Variants in XCR1 observed in about 807,000 individuals in gnomAD.
XCR1 encodes X-C motif chemokine receptor 1.
For synonymous variants in XCR1, 187 were observed against 188.5 expected (o/e 0.99, Z 0.06); for missense variants, 356 against 424.2 (o/e 0.84, Z 1.41).
At chr3:46,022,097 T>C (rs1465652692) in intron 1 of XCR1, 119 bp from the exon 2 acceptor site, 1 of 892,270 alleles carries the variant, frequency 1.1e-6, no homozygotes. Context: ...CCCAGGAGTT[T>C]GAGACCATCC....
upstream of XCR1, among the ~76,000 whole-genome samples, chr3:46,029,227 A>G (rs2125895281): frequency 6.6e-6 from 1 of 152,322 alleles, no homozygotes; most frequent in Non-Finnish European, 1.5e-5. Context: ...GTTTTGAGAC[A>G]GGTTCTCACT....
At chr3:46,059,663 T>C (rs1458712274) in intron 4 of XCR1, among the ~76,000 whole-genome samples, 1 of 152,108 alleles carries the variant, frequency 6.6e-6, no homozygotes. Context: ...AAAGAGGAAA[T>C]GGTGCCTGGC....
At chr3:46,035,459 A>G (rs1697409305) in intron 5 of XCR1, among the ~76,000 whole-genome samples, 1 of 152,154 alleles carries the variant, frequency 6.6e-6, no homozygotes, top group Non-Finnish European at 1.5e-5. Flanking sequence ...AACTCCTGGT[A>G]TTTCAGTAAC....
intron 1 of XCR1, chr3:46,023,358 AT>A: frequency 7.2e-7 from 1 of 1,394,224 alleles, no homozygotes; most frequent in Non-Finnish European, 1.0e-6. Flanking sequence ...CCGACCGTTT[AT>A]TAGCTGCAGG....
At chr3:46,079,993 T>A (rs888965215) in intron 1 of XCR1, among the ~76,000 whole-genome samples, 1 of 152,030 alleles carries the variant, frequency 6.6e-6, no homozygotes, top group Non-Finnish European at 1.5e-5. Context: ...GGGTCTTTCC[T>A]CAAATGTAGA....
chr3:46,077,090 C>T (rs1022987123), intron 1 of XCR1, among the ~76,000 whole-genome samples: 2 of 152,132 alleles, frequency 1.3e-5, no homozygotes, highest in Admixed American at 6.5e-5. Context: ...ACTGATGCCA[C>T]GTAGCTATAA....
In XCR1 at chr3:46,021,949, T is replaced by C. The variant is rs747310978; in HGVS notation, c.-2A>G. The C allele has an allele frequency of 1.9e-6, 3 of 1,604,888 alleles. No homozygotes were observed. Among genetic ancestry groups the C allele is most frequent in the Non-Finnish European group, 2.6e-6 (3 of 1,175,686 alleles). On this transcript the variant is annotated 5_prime_UTR_variant, in exon 2 of 2. Coordinates refer to ENST00000309285, the MANE Select transcript of XCR1 (RefSeq NM_001024644.2). The surrounding 1 kb of genome is among the most constrained non-coding windows in gnomAD (Gnocchi z 4.7). ...CTCTGGGTTGCCTGAGGACTCCATC[T>C]GGACCAGATGGCAGGGACGTTTAGA...
At chr3:46,028,081 A>C (rs13090194), upstream of XCR1, among the ~76,000 whole-genome samples, 30,300 of 152,058 alleles carry the variant, frequency 0.2, 4,418 homozygotes, top group African/African-American at 0.4. Flanking sequence ...TGTGACTCAG[A>C]CTTTTAGCTA....
intron 3 of XCR1, among the ~76,000 whole-genome samples, chr3:46,074,461 G>T (rs71327019): frequency 6.6e-6 from 1 of 152,038 alleles, no homozygotes; most frequent in African/African-American, 2.4e-5. Flanking sequence ...TGGAGACTCA[G>T]AAGAACGGGA....
At chr3:46,039,004 C>A (rs903770776) in intron 5 of XCR1, among the ~76,000 whole-genome samples, 48 of 149,564 alleles carry the variant, frequency 3.2e-4, no homozygotes, top group African/African-American at 1.2e-3. Context: ...TGAGACTTTC[C>A]AGTTATCTTT....
intron 4 of XCR1, among the ~76,000 whole-genome samples, chr3:46,058,887 G>A (rs1697907344): frequency 6.6e-6 from 1 of 152,172 alleles, no homozygotes; most frequent in African/African-American, 2.4e-5. Context: ...CTGTTAGAGT[G>A]AAGGCATTGA....
intron 5 of XCR1, among the ~76,000 whole-genome samples, chr3:46,040,355 G>C (rs1697517918): frequency 6.6e-6 from 1 of 152,072 alleles, no homozygotes; most frequent in Non-Finnish European, 1.5e-5. Context: ...AAAATTTCAA[G>C]TTCCAAATTC....
At chr3:46,076,707 C>A (rs1698267607) in intron 2 of XCR1, among the ~76,000 whole-genome samples, 2 of 152,014 alleles carry the variant, frequency 1.3e-5, no homozygotes, top group Admixed American at 6.6e-5. Context: ...GCATAGAAAA[C>A]AAGGGGCTAT....
intron 5 of XCR1, among the ~76,000 whole-genome samples, chr3:46,039,645 C>G (rs1023531368): frequency 6.6e-6 from 1 of 152,094 alleles, no homozygotes; most frequent in Non-Finnish European, 1.5e-5. Context: ...CCATTTGAAG[C>G]CTTATTTTCA....
chr3:46,021,851 C>A lies in XCR1; in HGVS notation c.97G>T (p.Ala33Ser). 6.2e-7 allele frequency: 1 copy of A among 1,613,924 alleles called. No individual in the cohort carries two copies. Among genetic ancestry groups the A allele is most frequent in the Non-Finnish European group, 8.5e-7 (1 of 1,179,994 alleles). Reference protein sequence around the residue: ...ENQAWVFATLATTVLYCLVFL... With the variant: ...ENQAWVFATLSTTVLYCLVFL... ...ACCAGGCAGTATAGGACAGTGGTGGCGAGGGTAGCAAAGACCCAGGCCTGG... is the reference window on the plus strand; with the variant it reads ...ACCAGGCAGTATAGGACAGTGGTGGAGAGGGTAGCAAAGACCCAGGCCTGG... Residue 33 changes from alanine (A) to serine (S), a missense_variant, in exon 2 of 2, where the codon GCC (alanine) becomes TCC (serine). Coordinates refer to ENST00000309285, the MANE Select transcript of XCR1 (RefSeq NM_001024644.2). This position sits in a 1 kb window ranked among gnomAD's most constrained non-coding sequence, Gnocchi z 4.7.
intron 5 of XCR1, among the ~76,000 whole-genome samples, chr3:46,038,882 G>T (rs1697482921): frequency 2.0e-5 from 3 of 151,942 alleles, no homozygotes; most frequent in Admixed American, 2.0e-4. Flanking sequence ...TAAACTTAAT[G>T]CTAAGGAAAG....
rs751822981 is a variant in XCR1 at position 46,020,170 on chromosome 3, G to C, written c.*776C>G. Reference sequence around the variant, plus strand: ...CTTCACCAAGGTGGGTGTTCACCAAGGTAGGTGAGCCTTTGGAGCTGGGCT... The same window carrying C: ...CTTCACCAAGGTGGGTGTTCACCAACGTAGGTGAGCCTTTGGAGCTGGGCT... On this transcript the variant is annotated 3_prime_UTR_variant, in exon 2 of 2. Coordinates refer to ENST00000309285, the MANE Select transcript of XCR1 (RefSeq NM_001024644.2). The C allele has an allele frequency of 6.6e-6, 1 of 152,284 alleles. No homozygotes were observed. Among genetic ancestry groups the C allele is most frequent in the Admixed American group, 6.5e-5 (1 of 15,286 alleles). 9.4% of individuals were successfully genotyped at this position (152,284 alleles called of 1,614,324 possible).
At chr3:46,052,463 A>G (rs925328165) in intron 5 of XCR1, among the ~76,000 whole-genome samples, 7 of 152,002 alleles carry the variant, frequency 4.6e-5, no homozygotes, top group Admixed American at 3.9e-4. Flanking sequence ...CAGTCCTGGT[A>G]TTTTTTCCCC....
At chr3:46,031,898 C>T (rs928914276), upstream of XCR1, among the ~76,000 whole-genome samples, 25 of 152,168 alleles carry the variant, frequency 1.6e-4, no homozygotes, top group African/African-American at 5.8e-4. Context: ...GCCGCAGAGA[C>T]AATGGGATAA....
Sources: allele counts gnomAD v4.1 joint callset (sites outside exome capture counted in the v4.1 genomes callset), GRCh38; gene constraint gnomAD v4.1.1; non-coding constraint Gnocchi (gnomAD v3.1); transcripts MANE v1.5; gene names NCBI Gene and HGNC (gene_info 2026-07-23, HGNC 2026-07-21).